UBE2E2: variants seen among roughly 807,000 people sequenced by gnomAD.
The protein encoded by UBE2E2 is ubiquitin conjugating enzyme E2 E2.
In UBE2E2, 6 loss-of-function variants were observed where a neutral mutation model predicts 24.7. The ratio of observed to expected loss-of-function variants is 0.24; its 90% CI spans 0.13 to 0.48. UBE2E2 has a LOEUF of 0.48. UBE2E2 is among the 20% of genes least tolerant of loss of function. UBE2E2 has a pLI of 0.99. For synonymous variants in UBE2E2, 104 were observed against 83.6 expected (o/e 1.24, Z -1.33); for missense variants, 169 against 245.0 (o/e 0.69, Z 2.07).
chr3:23,558,352 C>G (rs1414256578), intron 5 of UBE2E2, among the ~76,000 whole-genome samples: 2 of 152,196 alleles, frequency 1.3e-5, no homozygotes, highest in East Asian at 3.8e-4. Flanking sequence ...TCCTCCTTCT[C>G]TGCCCCTCAG....
At chr3:23,421,547 C>T (rs1341020368) in intron 3 of UBE2E2, among the ~76,000 whole-genome samples, 1 of 152,214 alleles carries the variant, frequency 6.6e-6, no homozygotes, top group Admixed American at 6.5e-5. Flanking sequence ...GCTGAGATTA[C>T]AGGCACCTGC....
At chr3:23,221,631 G>A (rs1026361142) in intron 3 of UBE2E2, among the ~76,000 whole-genome samples, 4 of 151,386 alleles carry the variant, frequency 2.6e-5, no homozygotes, top group East Asian at 1.9e-4. Flanking sequence ...TGCTGCATGC[G>A]TTAGTACTTC....
intron 3 of UBE2E2, among the ~76,000 whole-genome samples, chr3:23,221,475 A>T (rs1380466765): frequency 1.3e-5 from 2 of 152,072 alleles, no homozygotes; most frequent in Non-Finnish European, 2.9e-5. Flanking sequence ...TTTCACCACC[A>T]GCCCTCGGCA....
chr3:23,368,188 T>C (rs1056405176), intron 3 of UBE2E2, among the ~76,000 whole-genome samples: 1 of 152,224 alleles, frequency 6.6e-6, no homozygotes, highest in Non-Finnish European at 1.5e-5. Flanking sequence ...TGTATAGTTC[T>C]CACTTCATAA....
chr3:23,358,327 T>A (rs1159644773), intron 3 of UBE2E2, among the ~76,000 whole-genome samples: 1 of 152,198 alleles, frequency 6.6e-6, no homozygotes, highest in Non-Finnish European at 1.5e-5. Flanking sequence ...TTTAGAAAAA[T>A]AACTTTGTGT....
intron 3 of UBE2E2, among the ~76,000 whole-genome samples, chr3:23,451,159 G>A (rs945417473): frequency 6.6e-6 from 1 of 152,168 alleles, no homozygotes; most frequent in Non-Finnish European, 1.5e-5. Flanking sequence ...AGGCTGAGGT[G>A]GGAGGATCCG....
At chr3:23,405,853 C>G (rs962336462) in intron 3 of UBE2E2, among the ~76,000 whole-genome samples, 1 of 152,140 alleles carries the variant, frequency 6.6e-6, no homozygotes, top group African/African-American at 2.4e-5. Context: ...CCTTTTATCT[C>G]CAGTGCAAGT....
intron 4 of UBE2E2, among the ~76,000 whole-genome samples, chr3:23,529,912 A>G (rs1695083553): frequency 6.6e-6 from 1 of 152,152 alleles, no homozygotes; most frequent in Non-Finnish European, 1.5e-5. Flanking sequence ...TTCCTTCCTA[A>G]TGTATGTGTT....
chr3:23,428,828 TACTC>T (rs1255751197), intron 3 of UBE2E2, among the ~76,000 whole-genome samples: 1 of 150,196 alleles, frequency 6.7e-6, no homozygotes, highest in Non-Finnish European at 1.5e-5. Context: ...ACATCACAGT[TACTC>T]AGGAGGATCA....
At chr3:23,241,811 A>T (rs1044974480) in intron 3 of UBE2E2, among the ~76,000 whole-genome samples, 5 of 152,132 alleles carry the variant, frequency 3.3e-5, no homozygotes, top group Non-Finnish European at 7.3e-5. Context: ...AATAAATTGC[A>T]CTTCATTGAT....
chr3:23,255,079 CTTT>C (rs202015038), intron 3 of UBE2E2, among the ~76,000 whole-genome samples: 2 of 85,952 alleles, frequency 2.3e-5, no homozygotes, highest in Admixed American at 1.4e-4. Flanking sequence ...GAGTAACTTC[CTTT>C]TTTTTTTTTT....
At chr3:23,443,355 A>G (rs1278667225) in intron 3 of UBE2E2, among the ~76,000 whole-genome samples, 1 of 152,240 alleles carries the variant, frequency 6.6e-6, no homozygotes, top group Non-Finnish European at 1.5e-5. Flanking sequence ...AGTGAGAAAC[A>G]AGGAGAATAT....
chr3:23,428,268 T>C (rs1396052646), intron 3 of UBE2E2, among the ~76,000 whole-genome samples: 1 of 152,156 alleles, frequency 6.6e-6, no homozygotes, highest in Non-Finnish European at 1.5e-5. Context: ...CTCAAAATAC[T>C]TGGAGATTTG....
chr3:23,378,330 T>C (rs2125347555), intron 3 of UBE2E2, among the ~76,000 whole-genome samples: 1 of 151,370 alleles, frequency 6.6e-6, no homozygotes, highest in African/African-American at 2.4e-5. Flanking sequence ...CATTATAAAA[T>C]ACATTTTTAA....
intron 5 of UBE2E2, among the ~76,000 whole-genome samples, chr3:23,574,786 A>G (rs1005353053): frequency 6.6e-6 from 1 of 152,090 alleles, no homozygotes; most frequent in East Asian, 1.9e-4. Context: ...CTGCCATTAC[A>G]TTTTTATTTC....
chr3:23,463,178 C>A (rs529176235), intron 3 of UBE2E2, among the ~76,000 whole-genome samples: 1 of 151,976 alleles, frequency 6.6e-6, no homozygotes, highest in East Asian at 1.9e-4. Flanking sequence ...CTCTTTTTCC[C>A]CCTTAAAACA....
intron 3 of UBE2E2, among the ~76,000 whole-genome samples, chr3:23,353,017 A>G (rs1040358491): frequency 3.9e-5 from 6 of 152,202 alleles, no homozygotes; most frequent in Admixed American, 2.6e-4. Flanking sequence ...CCAGCAGCAC[A>G]TCAAAAAGCT....
At chr3:23,305,836 C>A (rs1044809039) in intron 3 of UBE2E2, among the ~76,000 whole-genome samples, 3 of 152,128 alleles carry the variant, frequency 2.0e-5, no homozygotes, top group Admixed American at 6.6e-5. Flanking sequence ...CTCAAGCTCT[C>A]CTCTTGCCTT....
intron 3 of UBE2E2, among the ~76,000 whole-genome samples, chr3:23,279,945 TCTAGGGGTACATTGTTGACAG>T (rs1368454213): frequency 6.6e-6 from 1 of 152,240 alleles, no homozygotes; most frequent in Non-Finnish European, 1.5e-5. Context: ...TTGTCTGTCA[TCTAGGGGTACATTGTTGACAG>T]TTACCTTTGT....
Sources: gnomAD v4.1 joint callset for allele counts (sites outside exome capture counted in the v4.1 genomes callset) on GRCh38, gnomAD v4.1.1 for gene constraint, MANE v1.5 for transcripts, NCBI Gene and HGNC (gene_info 2026-07-23, HGNC 2026-07-21) for gene names.